Variants in CTNNA3 observed in about 807,000 individuals in gnomAD.
The protein encoded by CTNNA3 is catenin alpha-3.
A neutral mutation model predicts 95.7 loss-of-function variants in CTNNA3; 76 were observed. The ratio of observed to expected loss-of-function variants is 0.79; its 90% CI spans 0.66 to 0.96. The LOEUF (loss-of-function observed/expected upper bound fraction) is 0.96. Among genes scored for constraint, CTNNA3 ranks in the 40% least tolerant of loss-of-function variants. The pLI is 0.00. For missense variants in CTNNA3, 1,191 were observed against 1,089.8 expected (o/e 1.09, Z -1.31); for synonymous variants, 431 against 374.4 (o/e 1.15, Z -1.74).
chr10:66,261,929 C>G (rs1459031960), intron 13 of CTNNA3, among the ~76,000 whole-genome samples: 1 of 151,984 alleles, frequency 6.6e-6, no homozygotes, highest in Admixed American at 6.6e-5. Context: ...CTTAAAAACC[C>G]AGCCCCAAAC....
intron 7 of CTNNA3, among the ~76,000 whole-genome samples, chr10:66,789,780 C>A (rs948827577): frequency 6.6e-5 from 10 of 152,088 alleles, no homozygotes; most frequent in Admixed American, 6.5e-5. Context: ...AAATGTTTAA[C>A]AAACAGAAGT....
chr10:67,304,687 C>CTA (rs1840464547), intron 5 of CTNNA3, among the ~76,000 whole-genome samples: 1 of 151,916 alleles, frequency 6.6e-6, no homozygotes, highest in African/African-American at 2.4e-5. Context: ...TTGGTATCTG[C>CTA]TACGTGTCTG....
intron 5 of CTNNA3, among the ~76,000 whole-genome samples, chr10:67,389,059 A>C (rs931298691): frequency 2.6e-5 from 4 of 151,340 alleles, no homozygotes; most frequent in Admixed American, 6.6e-5. Context: ...CACACATAAC[A>C]ATATTAACTT....
At chr10:67,572,852 C>G (rs1053165860) in intron 3 of CTNNA3, among the ~76,000 whole-genome samples, 2 of 152,108 alleles carry the variant, frequency 1.3e-5, no homozygotes, top group African/African-American at 4.8e-5. Flanking sequence ...CTTTGGGAGG[C>G]CAAGGTAGAT....
intron 5 of CTNNA3, among the ~76,000 whole-genome samples, chr10:67,309,410 G>C (rs556688644): frequency 6.6e-6 from 1 of 152,268 alleles, no homozygotes; most frequent in South Asian, 2.1e-4. Flanking sequence ...GTAGGAAAAG[G>C]TATGGGAGGT....
At chr10:66,041,750 C>T (rs2079693042) in intron 15 of CTNNA3, among the ~76,000 whole-genome samples, 1 of 151,960 alleles carries the variant, frequency 6.6e-6, no homozygotes, top group Admixed American at 6.6e-5. Context: ...ATTCTTGAAT[C>T]TGTACTTTCT....
chr10:67,745,763 C>A (rs1328538252), intron 1 of CTNNA3, among the ~76,000 whole-genome samples: 2 of 151,906 alleles, frequency 1.3e-5, no homozygotes, highest in African/African-American at 4.8e-5. Context: ...AAATCAGTAA[C>A]TTTATATATG....
chr10:66,932,270 T>C (rs1847446518), intron 7 of CTNNA3, among the ~76,000 whole-genome samples: 1 of 152,214 alleles, frequency 6.6e-6, no homozygotes. Flanking sequence ...GGTTTTAGGA[T>C]GCTGTAGGTG....
chr10:66,094,462 G>C (rs7906046), intron 14 of CTNNA3, among the ~76,000 whole-genome samples: 5,223 of 152,082 alleles, frequency 0.034, 326 homozygotes, highest in African/African-American at 0.12. Context: ...GACAATGGAA[G>C]TTTACAAAAC....
intron 1 of CTNNA3, among the ~76,000 whole-genome samples, chr10:67,720,129 C>CTTTGTTTTTTTTTTTTTTTT (rs1841170827): frequency 1.5e-4 from 1 of 6,614 alleles, no homozygotes; most frequent in Admixed American, 1.8e-3. Context: ...GCAACCCCTG[C>CTTTGTTTTTTTTTTTTTTTT]TTTTTTTTTT....
intron 7 of CTNNA3, among the ~76,000 whole-genome samples, chr10:67,086,417 G>A (rs1346724448): frequency 6.6e-6 from 1 of 151,998 alleles, no homozygotes; most frequent in African/African-American, 2.4e-5. Context: ...TGAAGTTGAA[G>A]AGAAATTCAA....
chr10:66,522,291 GT>G (rs1366897466), intron 10 of CTNNA3, among the ~76,000 whole-genome samples: 4 of 152,038 alleles, frequency 2.6e-5, no homozygotes, highest in Non-Finnish European at 5.9e-5. Flanking sequence ...TAAATATGAT[GT>G]TTGTTCTTCA....
chr10:67,656,585 A>G (rs1030316466), intron 1 of CTNNA3, among the ~76,000 whole-genome samples: 1 of 152,142 alleles, frequency 6.6e-6, no homozygotes, highest in Non-Finnish European at 1.5e-5. Context: ...AAGAAAAAGC[A>G]GAATAGAGTA....
chr10:67,231,881 C>A (rs1051925909), intron 5 of CTNNA3, among the ~76,000 whole-genome samples: 67 of 152,100 alleles, frequency 4.4e-4, no homozygotes, highest in African/African-American at 1.6e-3. Flanking sequence ...CCTCAGGAGC[C>A]GATGCGATCA....
intron 6 of CTNNA3, among the ~76,000 whole-genome samples, chr10:67,202,914 T>G (rs1863712976): frequency 6.6e-6 from 1 of 152,192 alleles, no homozygotes; most frequent in Non-Finnish European, 1.5e-5. Flanking sequence ...TTGGAATAAT[T>G]TTAACCAACA....
chr10:66,349,618 G>T (rs2092551444), intron 12 of CTNNA3, among the ~76,000 whole-genome samples: 1 of 152,058 alleles, frequency 6.6e-6, no homozygotes, highest in Non-Finnish European at 1.5e-5. Flanking sequence ...TGAAACAGTT[G>T]CAATCTTAAG....
intron 13 of CTNNA3, among the ~76,000 whole-genome samples, chr10:66,191,372 A>T (rs1257584673): frequency 6.6e-6 from 1 of 152,136 alleles, no homozygotes; most frequent in Non-Finnish European, 1.5e-5. Context: ...CACATACCTC[A>T]GGGAGGTGAA....
At chr10:66,434,546 C>A (rs1397301390) in intron 11 of CTNNA3, among the ~76,000 whole-genome samples, 3 of 152,090 alleles carry the variant, frequency 2.0e-5, no homozygotes, top group African/African-American at 7.2e-5. Context: ...GATTTTGGGG[C>A]TGAGATGACA....
At chr10:67,471,358 G>T (rs1043025637) in intron 5 of CTNNA3, among the ~76,000 whole-genome samples, 1 of 152,154 alleles carries the variant, frequency 6.6e-6, no homozygotes, top group African/African-American at 2.4e-5. Flanking sequence ...ATTTCTCTTG[G>T]AATATCAGAA....
Sources: gnomAD v4.1 joint callset for allele counts (sites outside exome capture counted in the v4.1 genomes callset) on GRCh38, gnomAD v4.1.1 for gene constraint, MANE v1.5 for transcripts, NCBI Gene and HGNC (gene_info 2026-07-23, HGNC 2026-07-21) for gene names.